Variants in LIMS1 observed in about 807,000 individuals in gnomAD.
The protein encoded by LIMS1 is LIM and senescent cell antigen-like-containing domain protein 1.
Under a neutral mutation model 44.1 loss-of-function variants are expected in LIMS1, and 18 were observed. The observed-to-expected ratio is 0.41, with a 90% CI of 0.28 to 0.61. The LOEUF (loss-of-function observed/expected upper bound fraction) is 0.61, where lower values mean the gene tolerates loss of function less well. LIMS1 is among the 20% of genes least tolerant of loss of function. The probability of loss-of-function intolerance (pLI) is 0.32; values close to 1 mark genes in which losing one functional copy is unlikely to be tolerated. For missense variants in LIMS1, 201 were observed against 422.0 expected (o/e 0.48, Z 4.59); for synonymous variants, 93 against 149.1 (o/e 0.62, Z 2.74).
chr2:108,599,109 T>C (rs980758306), intron 1 of LIMS1, among the ~76,000 whole-genome samples: 1 of 152,130 alleles, frequency 6.6e-6, no homozygotes, highest in African/African-American at 2.4e-5. Context: ...TGTTGTGCTA[T>C]CAAATACTAG....
intron 1 of LIMS1, among the ~76,000 whole-genome samples, chr2:108,561,750 T>TG (rs1030581318): frequency 5.3e-5 from 8 of 151,042 alleles, no homozygotes; most frequent in South Asian, 2.1e-4. Flanking sequence ...TTTTTTGTTT[T>TG]TTTTTTTTTT....
intron 1 of LIMS1, among the ~76,000 whole-genome samples, chr2:108,558,401 G>C (rs1408341511): frequency 6.6e-6 from 1 of 151,682 alleles, no homozygotes; most frequent in African/African-American, 2.4e-5. Context: ...AGTAGAGATG[G>C]GGTTTCACTG....
At chr2:108,667,363 A>C (rs578101597) in intron 2 of LIMS1, among the ~76,000 whole-genome samples, 7 of 152,200 alleles carry the variant, frequency 4.6e-5, no homozygotes, top group Non-Finnish European at 8.8e-5. Context: ...CTAAGAGGTT[A>C]AGCAACTTGC....
intron 1 of LIMS1, chr2:108,654,746 C>A (rs1690732653): frequency 4.8e-6 from 1 of 208,882 alleles, no homozygotes; most frequent in African/African-American, 2.4e-5. Context: ...CTCTTGGAGG[C>A]TTACAAGGTA....
chr2:108,571,861 A>G (rs1685490882), intron 1 of LIMS1, among the ~76,000 whole-genome samples: 1 of 152,186 alleles, frequency 6.6e-6, no homozygotes. Flanking sequence ...CACCTGAGAA[A>G]CTGTCTTCAA....
intron 5 of LIMS1, among the ~76,000 whole-genome samples, chr2:108,674,716 T>A: frequency 1.3e-5 from 1 of 76,906 alleles, no homozygotes; most frequent in Non-Finnish European, 2.5e-5. Context: ...GCAAGACTCG[T>A]CTCAAAAAAA....
intron 1 of LIMS1, among the ~76,000 whole-genome samples, chr2:108,568,044 G>A (rs867104343): frequency 5.3e-5 from 8 of 152,192 alleles, no homozygotes; most frequent in Non-Finnish European, 8.8e-5. Context: ...TTAAATGTCT[G>A]TATAACTCGT....
chr2:108,663,009 C>T (rs1691482630), intron 2 of LIMS1, among the ~76,000 whole-genome samples: 1 of 152,234 alleles, frequency 6.6e-6, no homozygotes, highest in South Asian at 2.1e-4. Flanking sequence ...CCTTTGGCCA[C>T]AGAGGCAAGT....
upstream of LIMS1, chr2:108,534,018 C>G (rs1684017667): frequency 6.5e-6 from 1 of 153,346 alleles, no homozygotes; most frequent in Non-Finnish European, 1.5e-5. Flanking sequence ...CTGCCAGGGC[C>G]GCGCAGCCAC....
chr2:108,580,454 C>A lies in LIMS1; in HGVS notation c.32+45860C>A, dbSNP rs540037425. ...TCTGTTACCTGAAACAGAGAGTGGACGACATGGGTACCCATGTGGATGACA... is the reference window on the plus strand; with the variant it reads ...TCTGTTACCTGAAACAGAGAGTGGAAGACATGGGTACCCATGTGGATGACA... On this transcript the variant is annotated intron_variant, in intron 1 of 9. Coordinates refer to ENST00000544547, the Ensembl canonical transcript of LIMS1. Among the ~76,000 whole-genome samples, 3 of 151,972 alleles carry A rather than the reference C, an allele frequency of 2.0e-5. No homozygotes were observed. The South Asian group carries it at 6.3e-4, about 32-fold the overall frequency.
chr2:108,542,496 C>A (rs1205190535), intron 1 of LIMS1, among the ~76,000 whole-genome samples: 1 of 152,270 alleles, frequency 6.6e-6, no homozygotes, highest in East Asian at 1.9e-4. Context: ...GGATTCATAC[C>A]GAAGTGCCCT....
At chr2:108,611,496 G>T (rs1332288841) in intron 1 of LIMS1, among the ~76,000 whole-genome samples, 1 of 151,962 alleles carries the variant, frequency 6.6e-6, no homozygotes, top group African/African-American at 2.4e-5. Flanking sequence ...CTATATAGTG[G>T]TCTCATTACA....
At chr2:108,667,570 A>G (rs1691865527) in intron 2 of LIMS1, among the ~76,000 whole-genome samples, 2 of 147,868 alleles carry the variant, frequency 1.4e-5, no homozygotes, top group Non-Finnish European at 1.5e-5. Flanking sequence ...ATATATATAT[A>G]CTGCTGGGCT....
At chr2:108,552,174 T>C (rs1684767685) in intron 1 of LIMS1, among the ~76,000 whole-genome samples, 1 of 144,876 alleles carries the variant, frequency 6.9e-6, no homozygotes, top group South Asian at 2.1e-4. Context: ...AAATATAAAA[T>C]ATACAGTTTT....
chr2:108,607,243 G>A, intron 1 of LIMS1: 1 of 1,551,166 alleles, frequency 6.4e-7, no homozygotes, highest in Non-Finnish European at 8.7e-7. Flanking sequence ...ATCGAATCAA[G>A]ATACATGACA....
At chr2:108,559,112 G>A (rs1685026965) in intron 1 of LIMS1, among the ~76,000 whole-genome samples, 2 of 152,156 alleles carry the variant, frequency 1.3e-5, no homozygotes, top group Admixed American at 1.3e-4. Context: ...TCACTTCCAC[G>A]AAATTATTCT....
At chr2:108,685,997 G>C (rs1486582170) in exon 10 of LIMS1, 2 of 152,172 alleles carry the variant, frequency 1.3e-5, no homozygotes, top group African/African-American at 4.8e-5. Context: ...TGCAGCCAGA[G>C]GTTCCATTGC....
intron 1 of LIMS1, among the ~76,000 whole-genome samples, chr2:108,612,025 C>CAT (rs201142924): frequency 3.8e-5 from 3 of 78,712 alleles, no homozygotes; most frequent in Non-Finnish European, 5.3e-5. Context: ...TATACACACA[C>CAT]ATATACACAC....
intron 1 of LIMS1, among the ~76,000 whole-genome samples, chr2:108,589,787 C>T (rs1294907146): frequency 6.6e-6 from 1 of 151,994 alleles, no homozygotes; most frequent in South Asian, 2.1e-4. Flanking sequence ...TTCTTTATCT[C>T]GATAGTTGTT....
Sources: gnomAD v4.1 joint callset for allele counts (sites outside exome capture counted in the v4.1 genomes callset) on GRCh38, gnomAD v4.1.1 for gene constraint, MANE v1.5 for transcripts, NCBI Gene and HGNC (gene_info 2026-07-23, HGNC 2026-07-21) for gene names.